ZKSCAN8: variants seen among roughly 807,000 people sequenced by gnomAD.
The protein encoded by ZKSCAN8 is zinc finger with KRAB and SCAN domains 8.
In ZKSCAN8, 27 loss-of-function variants were observed where a neutral mutation model predicts 57.2. The observed-to-expected ratio is 0.47, with a 90% confidence interval of 0.35 to 0.65. The LOEUF is 0.65. Ranked by LOEUF, ZKSCAN8 falls within the 30% of genes least tolerant of loss-of-function variation. The pLI is 0.01. For missense variants in ZKSCAN8, 597 were observed against 696.3 expected (o/e 0.86, Z 1.60); for synonymous variants, 214 against 248.7 (o/e 0.86, Z 1.31).
Position 28,156,182 on chromosome 6 carries a change from C to T in ZKSCAN8, c.*2165C>T. ...ATGTACACATGTGTATGTACACACACACACACACCTGCCATACACTTTAGA... is the reference window on the plus strand; with the variant it reads ...ATGTACACATGTGTATGTACACACATACACACACCTGCCATACACTTTAGA... On this transcript the variant is annotated 3_prime_UTR_variant, in exon 6 of 6. Transcript: ENST00000330236. 2.5e-6 allele frequency: 1 copy of T among 398,466 alleles called. No individual in the cohort carries two copies. The highest frequency in any genetic ancestry group is 4.4e-6 in the Non-Finnish European group (1 of 225,980). 24.7% of individuals were successfully genotyped at this position (398,466 alleles called of 1,614,324 possible).
chr6:28,152,404 T>C lies in ZKSCAN8; in HGVS notation c.775+20T>C. On this transcript the variant is annotated intron_variant, in intron 5 of 5. Coordinates refer to ENST00000330236, the MANE Select transcript of ZKSCAN8 (RefSeq NM_006298.4). ...CCCTGGGTAAGGAGAGGTGTGGTTA[T>C]TATTGTCATTTTAGATTTTTTGTTT... 1 of 1,580,726 alleles carries C rather than the reference T, an allele frequency of 6.3e-7. No homozygotes were observed. The highest frequency in any genetic ancestry group is 8.6e-7 in the Non-Finnish European group (1 of 1,169,560).
chr6:28,149,546 C>T lies in ZKSCAN8; in HGVS notation c.481C>T (p.Pro161Ser), dbSNP rs772505809. The T allele has an allele frequency of 6.2e-7, 1 of 1,614,138 alleles. No homozygotes were observed. The highest frequency in any genetic ancestry group is 1.1e-5 in the South Asian group (1 of 91,070). The change falls in exon 3 of 6, where the codon CCA becomes TCA. Residue 161 changes from proline to serine, a missense_variant. Pro to Ser is a moderately conservative substitution (Grantham distance 74, BLOSUM62 -1). Transcript: ENST00000330236. ...GGAGGTAGTACATTCAGCATCTGCACCAGAGCCTCCAAATACTCAGCTCCA... is the reference window on the plus strand; with the variant it reads ...GGAGGTAGTACATTCAGCATCTGCATCAGAGCCTCCAAATACTCAGCTCCA... Reference protein sequence around the residue: ...WEEVVHSASAPEPPNTQLQSE... With the variant: ...WEEVVHSASASEPPNTQLQSE...
chr6:28,152,216 G>T (rs747659724), intron 4 of ZKSCAN8, 45 bp from the exon 5 acceptor site: 4 of 1,570,934 alleles, frequency 2.5e-6, no homozygotes, highest in African/African-American at 2.7e-5. Flanking sequence ...GGTTTGAGCT[G>T]TGGAACAGTC....
chr6:28,144,163 T>A lies in ZKSCAN8; in HGVS notation c.-93+2134T>A, dbSNP rs1765312350. Among the ~76,000 whole-genome samples the A allele has an allele frequency of 6.6e-6, 1 of 152,206 alleles. No homozygotes were observed. The highest frequency in any genetic ancestry group is 1.5e-5 in the Non-Finnish European group (1 of 68,032). The stretch of plus-strand genomic sequence containing the variant: ...TTGAAAAATAATTTTCAAATTCCCT[T>A]TCTTTTCTGTACACACTCTCTATGT... On this transcript the variant is annotated intron_variant, in intron 1 of 5. Coordinates refer to ENST00000330236, the MANE Select transcript of ZKSCAN8 (RefSeq NM_006298.4). This position sits in a 1 kb window ranked among gnomAD's most constrained non-coding sequence, Gnocchi z 4.5.
chr6:28,154,346 A>G lies in ZKSCAN8; in HGVS notation c.*329A>G. The G allele has an allele frequency of 4.8e-6, 1 of 208,152 alleles. No individual in the cohort carries two copies. Among genetic ancestry groups the G allele is most frequent in the Admixed American group, 5.2e-5 (1 of 19,328 alleles). The allele number at this position is 208,152 out of a possible 1,614,324, so 12.9% of individuals were successfully genotyped here. ...TTGGGTGAGTAGCTATAGGTTTGAG[A>G]GAGGCTGGCTACTCCTAGTTCCTGT... On this transcript the variant is annotated 3_prime_UTR_variant, in exon 6 of 6. Transcript: ENST00000330236.
intron 5 of ZKSCAN8, 53 bp downstream of exon 5, chr6:28,152,437 G>T: frequency 6.4e-7 from 1 of 1,560,646 alleles, no homozygotes; most frequent in Non-Finnish European, 8.6e-7. Context: ...TTTGTTTGTT[G>T]TTTATGTGTA....
At chr6:28,147,804 G>A (rs1317002694) in intron 1 of ZKSCAN8, among the ~76,000 whole-genome samples, 2 of 151,762 alleles carry the variant, frequency 1.3e-5, no homozygotes, top group East Asian at 1.9e-4. Flanking sequence ...GAAAGATGAG[G>A]GGCACAGGTA....
chr6:28,149,910 G>A (rs1278721119), intron 3 of ZKSCAN8, among the ~76,000 whole-genome samples: 3 of 150,794 alleles, frequency 2.0e-5, no homozygotes, highest in Admixed American at 6.6e-5. Context: ...AGTTACATAT[G>A]TATACATGTG....
In ZKSCAN8 at chr6:28,153,244, C is replaced by G; in HGVS notation, c.964C>G (p.His322Asp). 1 of 1,614,180 alleles carries G rather than the reference C, an allele frequency of 6.2e-7. No homozygotes were observed. The highest frequency in any genetic ancestry group is 1.1e-5 in the South Asian group (1 of 91,086). The change falls in exon 6 of 6, where the codon CAT (histidine) becomes GAT (aspartate). Residue 322 changes from histidine to aspartate, a missense_variant. Coordinates refer to ENST00000330236, the MANE Select transcript of ZKSCAN8 (RefSeq NM_006298.4). ...QRGNPTQERR[H>D]KCDECGKSFA... ...GGGAAATCCCACACAAGAGAGACGA[C>G]ATAAATGTGATGAATGTGGGAAAAG... is the stretch of plus-strand genomic sequence containing the variant.
chr6:28,154,117 A>G lies in ZKSCAN8; in HGVS notation c.*100A>G, dbSNP rs1765703520. 3.4e-6 allele frequency: 5 copies of G among 1,478,718 alleles called. No individual in the cohort carries two copies. In the Admixed American group the frequency reaches 1.2e-4, roughly 34 times the overall value. The allele number at this position is 1,478,718 out of a possible 1,614,324, so 91.6% of individuals were successfully genotyped here. On this transcript the variant is annotated 3_prime_UTR_variant, in exon 6 of 6. Coordinates refer to ENST00000330236, the MANE Select transcript of ZKSCAN8 (RefSeq NM_006298.4). ...ACTAAAAGGCAGAAAGGTCATCACA[A>G]CTTTAGTGTCAGAATCTATAGTGGT...
rs544221539 is a variant in ZKSCAN8, at chr6:28,156,397, A to C, written c.*2380A>C. The stretch of plus-strand genomic sequence containing the variant: ...TGTAGCCAGATTACTTAAATCTCAG[A>C]ATTACTAAGCATGTGGCATAAATTT... On this transcript the variant is annotated 3_prime_UTR_variant, in exon 6 of 6. Coordinates refer to ENST00000330236, the MANE Select transcript of ZKSCAN8 (RefSeq NM_006298.4). The C allele has an allele frequency of 1.5e-4, 60 of 394,246 alleles. No individual in the cohort carries two copies. The highest frequency in any genetic ancestry group is 2.5e-4 in the Non-Finnish European group (56 of 223,628). 24.4% of individuals were successfully genotyped at this position (394,246 alleles called of 1,614,324 possible).
rs550375029 is a variant in ZKSCAN8 at position 28,150,869 on chromosome 6, C to T, written c.560-976C>T. ...TCATCCAGGCTGGAGTACAGTGGCA[C>T]GATCTCAGCTCACTGCAGCTTCTGC... On this transcript the variant is annotated intron_variant, in intron 3 of 5. Transcript: ENST00000330236. Among the ~76,000 whole-genome samples the T allele has an allele frequency of 1.7e-4, 26 of 152,240 alleles. No homozygotes were observed. In the South Asian group the frequency reaches 4.3e-3, roughly 25 times the overall value.
rs80184076 is a variant in ZKSCAN8 at position 28,148,517 on chromosome 6, C to T, written c.110C>T (p.Ser37Phe). 1 of 1,614,172 alleles carries T rather than the reference C, an allele frequency of 6.2e-7. No individual in the cohort carries two copies. Among genetic ancestry groups the T allele is most frequent in the African/African-American group, 1.3e-5 (1 of 75,036 alleles). The change falls in exon 2 of 6, where the codon TCT becomes TTT. Residue 37 changes from serine to phenylalanine, a missense_variant. By Grantham distance (155) the Ser-to-Phe change is radical. Transcript: ENST00000330236. ...GAGGATCATGGTTGGGACCAGGAAT[C>T]TAGTCTGCATGAAAGTAACCCTCTT... ...VEEDHGWDQESSLHESNPLGQ... is the reference protein window; with the variant it reads ...VEEDHGWDQEFSLHESNPLGQ...
rs1193305807 is a variant in ZKSCAN8 at position 28,149,543 on chromosome 6, G to A, written c.478G>A (p.Ala160Thr). The change falls in exon 3 of 6, where the codon GCA becomes ACA. Residue 160 changes from alanine (A) to threonine (T), a missense_variant. Ala to Thr is a moderately conservative substitution (Grantham distance 58). Transcript: ENST00000330236. ...LWEEVVHSAS[A>T]PEPPNTQLQS... is the part of the protein sequence containing the mutation. ...GGAGGAGGTAGTACATTCAGCATCTGCACCAGAGCCTCCAAATACTCAGCT... is the reference window on the plus strand; with the variant it reads ...GGAGGAGGTAGTACATTCAGCATCTACACCAGAGCCTCCAAATACTCAGCT... The A allele has an allele frequency of 1.1e-5, 17 of 1,613,982 alleles. No homozygotes were observed. The highest frequency in any genetic ancestry group is 1.4e-5 in the Non-Finnish European group (17 of 1,180,016).
chr6:28,153,672 T>C lies in ZKSCAN8; in HGVS notation c.1392T>C (p.Cys464=). Residue 464 remains cysteine (C), a synonymous_variant, in exon 6 of 6, where the codon TGT becomes TGC. Transcript: ENST00000330236. ...ACACTGGGGAGAAGCCCTATGAGTG[T>C]GATGAGTGTGGGAAAACCTTCAGGC... ...RIHTGEKPYE[C]DECGKTFRRS... is the part of the protein sequence containing the mutation. 6.2e-7 allele frequency: 1 copy of C among 1,613,602 alleles called. No homozygotes were observed. The highest frequency in any genetic ancestry group is 1.3e-5 in the African/African-American group (1 of 74,828).
In ZKSCAN8 at chr6:28,156,600, A is replaced by C. The variant is rs909891002; in HGVS notation, c.*2583A>C. The C allele has an allele frequency of 5.9e-5, 10 of 170,558 alleles. No individual in the cohort carries two copies. Among genetic ancestry groups the C allele is most frequent in the African/African-American group, 2.4e-4 (10 of 42,256 alleles). 10.6% of individuals were successfully genotyped at this position (170,558 alleles called of 1,614,324 possible). ...TCACTAGAAATCATTCTTTGTCTCA[A>C]GTTCACACTCTTAGCATAGAATATT... On this transcript the variant is annotated 3_prime_UTR_variant, in exon 6 of 6. Transcript: ENST00000330236.
chr6:28,148,313 AAGAAGTACCCTT>A lies in ZKSCAN8; in HGVS notation c.-90_-79del, dbSNP rs1765468990. 2.3e-6 allele frequency: 3 copies of A among 1,325,746 alleles called. No individual in the cohort carries two copies. The highest frequency in any genetic ancestry group is 2.5e-5 in the Admixed American group (1 of 39,316). 82.1% of individuals were successfully genotyped at this position (1,325,746 alleles called of 1,614,324 possible). A position where few individuals can be genotyped will look rare whatever the true frequency, so the allele number is the denominator to read the frequency against. On this transcript the variant is annotated splice_acceptor_variant and 5_prime_UTR_variant, in exon 2 of 6. Coordinates refer to ENST00000330236, the MANE Select transcript of ZKSCAN8 (RefSeq NM_006298.4). LOFTEE classifies it low-confidence loss of function (5UTR_SPLICE). ...TTAACACTATCATATTTTCTTCATG[AAGAAGTACCCTT>A]AGAAAGAGGCCCTCAGAAGAGTCTT...
chr6:28,150,372 A>G (rs1264871909), intron 3 of ZKSCAN8, among the ~76,000 whole-genome samples: 1 of 152,206 alleles, frequency 6.6e-6, no homozygotes, highest in Non-Finnish European at 1.5e-5. Flanking sequence ...CCAAGGATAC[A>G]TGACCTAAAT....
chr6:28,145,337 G>A (rs77680334), intron 1 of ZKSCAN8, among the ~76,000 whole-genome samples: 1 of 152,146 alleles, frequency 6.6e-6, no homozygotes, highest in Admixed American at 6.5e-5. Context: ...TAGTAGAATG[G>A]AAGTATGAGA....
Sources: allele counts gnomAD v4.1 joint callset (sites outside exome capture counted in the v4.1 genomes callset), GRCh38; gene constraint gnomAD v4.1.1; non-coding constraint Gnocchi (gnomAD v3.1); transcripts MANE v1.5; gene names NCBI Gene and HGNC (gene_info 2026-07-23, HGNC 2026-07-21).